Variants in MALRD1 observed in about 807,000 individuals in gnomAD.
The protein encoded by MALRD1 is MAM and LDL receptor class A domain containing 1.
A neutral mutation model predicts 242.1 loss-of-function variants in MALRD1; 247 were observed. The observed-to-expected ratio is 1.02, with a 90% CI of 0.92 to 1.13. The LOEUF (loss-of-function observed/expected upper bound fraction) is 1.13, where lower values mean the gene tolerates loss of function less well. Among genes scored for constraint, MALRD1 ranks in the 50% most tolerant of loss-of-function variants. MALRD1 has a pLI of 0.00. For missense variants in MALRD1, 2,989 were observed against 2,533.1 expected (o/e 1.18, Z -3.86); for synonymous variants, 995 against 866.6 (o/e 1.15, Z -2.60).
chr10:19,537,606 C>A (rs1467080707), intron 32 of MALRD1, among the ~76,000 whole-genome samples: 1 of 152,166 alleles, frequency 6.6e-6, no homozygotes, highest in Non-Finnish European at 1.5e-5. Context: ...ATATAAAATA[C>A]CTCTCTCAGC....
At chr10:19,062,784 T>C (rs1417552720) in intron 1 of MALRD1, among the ~76,000 whole-genome samples, 1 of 152,136 alleles carries the variant, frequency 6.6e-6, no homozygotes, top group Non-Finnish European at 1.5e-5. Flanking sequence ...TTTTGCAAGA[T>C]GGAATGGCTT....
At chr10:19,488,878 G>A (rs1308512953) in intron 29 of MALRD1, 1 of 354,060 alleles carries the variant, frequency 2.8e-6, no homozygotes, top group Non-Finnish European at 5.6e-6. Context: ...TAGGATTTTT[G>A]TTAAGAATAC....
At chr10:19,547,375 T>G (rs528270793) in intron 32 of MALRD1, among the ~76,000 whole-genome samples, 1 of 152,194 alleles carries the variant, frequency 6.6e-6, no homozygotes, top group East Asian at 1.9e-4. Context: ...AGGAAACCTA[T>G]GTCCAACACC....
intron 33 of MALRD1, among the ~76,000 whole-genome samples, chr10:19,569,016 C>T (rs556658528): frequency 3.3e-5 from 5 of 152,100 alleles, no homozygotes; most frequent in Non-Finnish European, 4.4e-5. Context: ...GATAAATAAA[C>T]TTATTTACAA....
At chr10:19,657,183 T>C (rs1001161918) in intron 36 of MALRD1, among the ~76,000 whole-genome samples, 2 of 152,166 alleles carry the variant, frequency 1.3e-5, no homozygotes, top group Non-Finnish European at 2.9e-5. Context: ...GCCCACTCCC[T>C]AATTAGCTAA....
intron 18 of MALRD1, among the ~76,000 whole-genome samples, chr10:19,235,331 C>G (rs1242451875): frequency 6.6e-6 from 1 of 151,848 alleles, no homozygotes; most frequent in Non-Finnish European, 1.5e-5. Flanking sequence ...GAAATGGTAT[C>G]TCATTGTGTT....
chr10:19,655,179 G>C (rs1417958509), intron 36 of MALRD1, among the ~76,000 whole-genome samples: 3 of 151,184 alleles, frequency 2.0e-5, no homozygotes, highest in South Asian at 2.1e-4. Context: ...TTTTGTTCTT[G>C]TTGTTGTTGT....
intron 36 of MALRD1, among the ~76,000 whole-genome samples, chr10:19,624,878 G>GAA (rs145042762): frequency 5.0e-5 from 6 of 119,946 alleles, no homozygotes; most frequent in Non-Finnish European, 6.7e-5. Context: ...CTCAAAAAAG[G>GAA]AAAAAAAAAA....
intron 18 of MALRD1, among the ~76,000 whole-genome samples, chr10:19,239,260 A>G (rs1588758286): frequency 6.6e-6 from 1 of 152,080 alleles, no homozygotes; most frequent in East Asian, 1.9e-4. Context: ...TGATTTCACC[A>G]TATTGGTCAG....
chr10:19,163,055 C>T (rs1424866505), intron 12 of MALRD1, among the ~76,000 whole-genome samples: 1 of 137,976 alleles, frequency 7.2e-6, no homozygotes, highest in African/African-American at 2.7e-5. Context: ...GGAGAATTAC[C>T]TGAGCTCAGG....
intron 26 of MALRD1, among the ~76,000 whole-genome samples, chr10:19,354,921 A>G (rs560537069): frequency 6.6e-6 from 1 of 152,302 alleles, no homozygotes; most frequent in Non-Finnish European, 1.5e-5. Context: ...AGAAATTTGG[A>G]GAAAAGTAAG....
chr10:19,192,697 C>T (rs1836043899), intron 14 of MALRD1, among the ~76,000 whole-genome samples: 2 of 152,124 alleles, frequency 1.3e-5, no homozygotes, highest in Admixed American at 6.5e-5. Context: ...CCTACAGAAA[C>T]TAAGAGATAA....
intron 26 of MALRD1, among the ~76,000 whole-genome samples, chr10:19,364,567 T>A (rs2130718899): frequency 6.6e-6 from 1 of 152,238 alleles, no homozygotes; most frequent in African/African-American, 2.4e-5. Flanking sequence ...ACTAAACTAT[T>A]TTTTACCGTG....
chr10:19,180,178 G>T (rs1835442148), intron 14 of MALRD1, among the ~76,000 whole-genome samples: 1 of 152,182 alleles, frequency 6.6e-6, no homozygotes. Context: ...ACATTTTCCA[G>T]AAGTGTGGTG....
rs74121412 is a variant in MALRD1, at chr10:19,257,122, G to A, written c.2992-562G>A. Among the ~76,000 whole-genome samples the A allele has an allele frequency of 5.7e-3, 873 of 152,178 alleles. 15 individuals are homozygous for A. The highest frequency in any genetic ancestry group is 0.02 in the African/African-American group (840 of 41,538). ...TCCTGCAGCAGCACAAATGTCATCT[G>A]AGTTCACTGTGATTAATGTGGCCCT... On this transcript the variant is annotated intron_variant, in intron 18 of 39. Coordinates refer to ENST00000454679, the MANE Select transcript of MALRD1 (RefSeq NM_001142308.3).
At chr10:19,134,240 G>T (rs901868221) in intron 9 of MALRD1, among the ~76,000 whole-genome samples, 17 of 152,124 alleles carry the variant, frequency 1.1e-4, no homozygotes, top group Non-Finnish European at 2.4e-4. Context: ...GAAACAAATT[G>T]CATTATGAAG....
At position 19,492,486 on chromosome 10, in the gene MALRD1, C is replaced by A. The variant is rs116471289; in HGVS notation, c.5158+841C>A. Among the ~76,000 whole-genome samples the A allele has an allele frequency of 2.1e-3, 315 of 152,258 alleles. 1 individual carries two copies. Among genetic ancestry groups the A allele is most frequent in the African/African-American group, 7.3e-3 (305 of 41,540 alleles). ...AACTGATAGGGTGGAACTAGATAAT[C>A]ACATCCAAGATGACTTCTTCTCTTG... is the stretch of plus-strand genomic sequence containing the variant. On this transcript the variant is annotated intron_variant, in intron 30 of 39. Coordinates refer to ENST00000454679, the MANE Select transcript of MALRD1 (RefSeq NM_001142308.3).
chr10:19,568,863 A>G (rs1008269163), intron 33 of MALRD1, among the ~76,000 whole-genome samples: 1 of 152,082 alleles, frequency 6.6e-6, no homozygotes, highest in Admixed American at 6.6e-5. Context: ...ACGAATTTGA[A>G]TAGTATGTGC....
chr10:19,447,063 TACACAG>T (rs1835031312), intron 28 of MALRD1, among the ~76,000 whole-genome samples: 1 of 64,456 alleles, frequency 1.6e-5, no homozygotes, highest in Non-Finnish European at 3.1e-5. Context: ...CACACACACA[TACACAG>T]ACACACACAC....
Sources: allele counts gnomAD v4.1 joint callset (sites outside exome capture counted in the v4.1 genomes callset), GRCh38; gene constraint gnomAD v4.1.1; transcripts MANE v1.5; gene names NCBI Gene and HGNC (gene_info 2026-07-23, HGNC 2026-07-21).